DTNA: variants seen among roughly 807,000 people sequenced by gnomAD.
DTNA encodes the protein dystrobrevin alpha.
A neutral mutation model predicts 100.7 loss-of-function variants in DTNA; 43 were observed. The ratio of observed to expected loss-of-function variants is 0.43; its 90% CI spans 0.33 to 0.55. The LOEUF (loss-of-function observed/expected upper bound fraction) is 0.55. Among genes scored for constraint, DTNA ranks in the 20% least tolerant of loss-of-function variants. The probability of loss-of-function intolerance (pLI) is 0.04; values close to 1 mark genes in which losing one functional copy is unlikely to be tolerated. For synonymous variants in DTNA, 349 were observed against 347.9 expected (o/e 1.00, Z -0.04); for missense variants, 798 against 953.9 (o/e 0.84, Z 2.15).
At chr18:34,721,169 CT>C (rs2085235614) in intron 1 of DTNA, among the ~76,000 whole-genome samples, 1 of 152,106 alleles carries the variant, frequency 6.6e-6, no homozygotes, top group African/African-American at 2.4e-5. Flanking sequence ...TTTTAATTTA[CT>C]GGTTTACTAA....
At chr18:34,687,838 A>G (rs1025995370) in intron 1 of DTNA, among the ~76,000 whole-genome samples, 5 of 152,194 alleles carry the variant, frequency 3.3e-5, no homozygotes, top group Non-Finnish European at 7.3e-5. Flanking sequence ...GGGTGCATAT[A>G]TATTTAGGAT....
chr18:34,670,027 A>T (rs1228080704), intron 1 of DTNA, among the ~76,000 whole-genome samples: 1 of 152,194 alleles, frequency 6.6e-6, no homozygotes, highest in Non-Finnish European at 1.5e-5. Context: ...AGTGTTTTCC[A>T]ACTTGGTTCC....
intron 1 of DTNA, among the ~76,000 whole-genome samples, chr18:34,584,489 G>A (rs919056958): frequency 6.6e-6 from 1 of 152,156 alleles, no homozygotes; most frequent in Non-Finnish European, 1.5e-5. Flanking sequence ...AATTAAAAAT[G>A]TTAGGCGAAA....
intron 6 of DTNA, among the ~76,000 whole-genome samples, chr18:34,814,760 A>G (rs895365771): frequency 6.6e-6 from 1 of 152,276 alleles, no homozygotes; most frequent in East Asian, 1.9e-4. Context: ...GACATGTTCA[A>G]AATTCCTTTT....
chr18:34,820,741 A>G (rs763329643), intron 8 of DTNA, 50 bp from the exon 9 acceptor site: 7 of 1,612,634 alleles, frequency 4.3e-6, no homozygotes, highest in Admixed American at 3.3e-5. Flanking sequence ...TTGATAAAAT[A>G]TTACATAAAT....
At chr18:34,604,024 C>T (rs552551994) in intron 1 of DTNA, among the ~76,000 whole-genome samples, 5 of 152,260 alleles carry the variant, frequency 3.3e-5, no homozygotes, top group South Asian at 4.1e-4. Flanking sequence ...AAAATGTCCA[C>T]GTTCCTAAAT....
chr18:34,604,998 G>A (rs1404185231), intron 1 of DTNA, among the ~76,000 whole-genome samples: 1 of 150,076 alleles, frequency 6.7e-6, no homozygotes, highest in African/African-American at 2.5e-5. Context: ...CAACTTAACT[G>A]GATTTGTCTT....
At chr18:34,868,694 G>T (rs984745582) in intron 17 of DTNA, 1 of 985,042 alleles carries the variant, frequency 1.0e-6, no homozygotes, top group Non-Finnish European at 1.2e-6. Context: ...TCTTGTTAGA[G>T]GTAATGCATG....
At chr18:34,546,763 CTTTT>C (rs775681576) in intron 1 of DTNA, among the ~76,000 whole-genome samples, 2 of 148,458 alleles carry the variant, frequency 1.3e-5, no homozygotes, top group Admixed American at 6.8e-5. Context: ...TTCTTTCTTT[CTTTT>C]TTTTTTATCT....
chr18:34,601,277 A>T (rs1173715206), intron 1 of DTNA, among the ~76,000 whole-genome samples: 2 of 152,162 alleles, frequency 1.3e-5, no homozygotes, highest in African/African-American at 4.8e-5. Flanking sequence ...TTATGCAGAA[A>T]TTTTTAGGAG....
chr18:34,598,781 G>A (rs568395208), intron 1 of DTNA, among the ~76,000 whole-genome samples: 1 of 152,200 alleles, frequency 6.6e-6, no homozygotes, highest in South Asian at 2.1e-4. Flanking sequence ...CAGGAGAATG[G>A]CATGAACCTG....
chr18:34,625,626 T>C (rs1412616254), intron 1 of DTNA, among the ~76,000 whole-genome samples: 2 of 152,198 alleles, frequency 1.3e-5, no homozygotes, highest in African/African-American at 4.8e-5. Context: ...TATACACTTA[T>C]ATATACACAA....
intron 1 of DTNA, among the ~76,000 whole-genome samples, chr18:34,666,239 C>T (rs992647384): frequency 6.6e-6 from 1 of 151,894 alleles, no homozygotes; most frequent in Non-Finnish European, 1.5e-5. Flanking sequence ...AGTGTCCTTT[C>T]ATATCCTTCA....
chr18:34,751,452 G>A (rs544681060), intron 1 of DTNA, among the ~76,000 whole-genome samples: 29 of 151,040 alleles, frequency 1.9e-4, no homozygotes, highest in East Asian at 3.9e-4. Flanking sequence ...GGCATCTAGC[G>A]TCGATTGGAA....
chr18:34,736,320 C>G (rs2089578654), intron 1 of DTNA, among the ~76,000 whole-genome samples: 1 of 152,138 alleles, frequency 6.6e-6, no homozygotes, highest in South Asian at 2.1e-4. Flanking sequence ...TTTCTAAAAG[C>G]TGTAGGAGAA....
intron 12 of DTNA, among the ~76,000 whole-genome samples, 157 bp from the exon 13 acceptor site, chr18:34,838,588 T>G (rs932683774): frequency 1.3e-5 from 2 of 152,194 alleles, no homozygotes; most frequent in African/African-American, 4.8e-5. Context: ...TTGCCTGGAT[T>G]TCACTTGTGT....
exon 1 of DTNA, chr18:34,493,481 C>G (rs925284156): frequency 6.6e-6 from 1 of 152,160 alleles, no homozygotes; most frequent in Non-Finnish European, 1.5e-5. Context: ...AAGAGTTTGG[C>G]GAGTCAGTGA....
At chr18:34,596,007 C>G (rs997592549) in intron 1 of DTNA, among the ~76,000 whole-genome samples, 12 of 152,150 alleles carry the variant, frequency 7.9e-5, no homozygotes, top group Non-Finnish European at 1.6e-4. Flanking sequence ...CACCTGAGGG[C>G]CAAGGACTTT....
intron 1 of DTNA, among the ~76,000 whole-genome samples, chr18:34,594,243 A>G (rs1399546207): frequency 6.6e-6 from 1 of 152,082 alleles, no homozygotes; most frequent in Non-Finnish European, 1.5e-5. Flanking sequence ...TGATTTTGCT[A>G]TTGTCGCACT....
Sources: allele counts gnomAD v4.1 joint callset (sites outside exome capture counted in the v4.1 genomes callset), GRCh38; gene constraint gnomAD v4.1.1; transcripts MANE v1.5; gene names NCBI Gene and HGNC (gene_info 2026-07-23, HGNC 2026-07-21).